The following ADGRL3 variants were observed in gnomAD, a reference collection of about 807,000 sequenced individuals.
ADGRL3 encodes the protein calcium-independent alpha-latrotoxin receptor 3.
ADGRL3 carries 62 observed loss-of-function variants against 153.5 expected under a neutral mutation model. The ratio of observed to expected loss-of-function variants is 0.40; its 90% CI spans 0.33 to 0.50. The LOEUF (loss-of-function observed/expected upper bound fraction) is 0.50. ADGRL3 is among the 20% of genes least tolerant of loss of function. The pLI is 0.47. For missense variants in ADGRL3, 1,641 were observed against 1,859.4 expected, an observed-to-expected ratio of 0.88 and a Z score of 2.16; for synonymous variants, 710 against 672.5, an observed-to-expected ratio of 1.06 and a Z score of -0.86.
At chr4:61,451,517 T>A (rs1306840860) in intron 2 of ADGRL3, among the ~76,000 whole-genome samples, 1 of 152,266 alleles carries the variant, frequency 6.6e-6, no homozygotes, top group East Asian at 1.9e-4. Flanking sequence ...ATAAATAGTT[T>A]ACTTATTAAT....
chr4:61,226,721 A>G (rs902241110), intron 1 of ADGRL3, among the ~76,000 whole-genome samples: 1 of 152,150 alleles, frequency 6.6e-6, no homozygotes, highest in Non-Finnish European at 1.5e-5. Context: ...AGAATACCTG[A>G]AGGGTAGCTC....
At chr4:61,628,702 T>A (rs2092978461) in intron 5 of ADGRL3, among the ~76,000 whole-genome samples, 1 of 152,138 alleles carries the variant, frequency 6.6e-6, no homozygotes, top group Non-Finnish European at 1.5e-5. Flanking sequence ...TTCATTCTTG[T>A]TCAGGTTTTG....
At chr4:62,001,927 A>C (rs540809203) in intron 21 of ADGRL3, among the ~76,000 whole-genome samples, 71 of 152,238 alleles carry the variant, frequency 4.7e-4, no homozygotes, top group African/African-American at 1.6e-3. Flanking sequence ...TCTTTCTAAA[A>C]CAAGTCATTC....
chr4:61,240,442 C>T (rs1754473812), intron 1 of ADGRL3, among the ~76,000 whole-genome samples: 1 of 152,044 alleles, frequency 6.6e-6, no homozygotes, highest in Non-Finnish European at 1.5e-5. Flanking sequence ...TCATTGTCTG[C>T]CCATCTCTAA....
intron 13 of ADGRL3, among the ~76,000 whole-genome samples, chr4:61,919,331 G>C (rs912836175): frequency 6.6e-6 from 1 of 152,140 alleles, no homozygotes; most frequent in Non-Finnish European, 1.5e-5. Context: ...GGTTCTTGTG[G>C]TTTGGTAACC....
At position 61,682,588 on chromosome 4, in the gene ADGRL3, C is replaced by T. The variant is rs561748904; in HGVS notation, c.583+5653C>T. Among the ~76,000 whole-genome samples, 3 of 132,554 alleles carry T rather than the reference C, an allele frequency of 2.3e-5. No individual in the cohort carries two copies. In the East Asian group the frequency reaches 6.3e-4, roughly 28 times the overall value. The allele number at this position is 132,554 out of a possible 152,430, so 87.0% of individuals were successfully genotyped here. Reference sequence around the variant, plus strand: ...ATTTTTTTTTTTTTTTTTTGTAGACCTAGGGTCTCACTATGTTTCCCAGGC... The same window carrying T: ...ATTTTTTTTTTTTTTTTTTGTAGACTTAGGGTCTCACTATGTTTCCCAGGC... On this transcript the variant is annotated intron_variant, in intron 6 of 26. Coordinates refer to ENST00000683033, the MANE Select transcript of ADGRL3 (RefSeq NM_001387552.1).
At chr4:61,375,977 A>G (rs2151822983) in intron 1 of ADGRL3, among the ~76,000 whole-genome samples, 1 of 152,290 alleles carries the variant, frequency 6.6e-6, no homozygotes, top group South Asian at 2.1e-4. Context: ...ATTTATTAAT[A>G]AAGTATACTG....
rs1282067602 is a variant in ADGRL3 at position 61,202,502 on chromosome 4, G to A, written c.-240+737G>A. 6.6e-6 allele frequency among the ~76,000 whole-genome samples: 1 copy of A among 152,144 alleles called. No homozygotes were observed. The highest frequency in any genetic ancestry group is 1.5e-5 in the Non-Finnish European group (1 of 68,026). On this transcript the variant is annotated intron_variant, in intron 1 of 26. Transcript: ENST00000683033. This position sits in a 1 kb window ranked among gnomAD's most constrained non-coding sequence, Gnocchi z 5.0. Reference sequence around the variant, plus strand: ...CCGGGCTGCGCTGTGCTGGTAGTGGGCACTGGGCGGGGGGCGGCGGTGTTG... The same window carrying A: ...CCGGGCTGCGCTGTGCTGGTAGTGGACACTGGGCGGGGGGCGGCGGTGTTG...
rs566795561 is a variant in ADGRL3 at position 61,216,719 on chromosome 4, A to G, written c.-240+14954A>G. Among the ~76,000 whole-genome samples, 4 of 152,332 alleles carry G rather than the reference A, an allele frequency of 2.6e-5. No homozygotes were observed. In the East Asian group the frequency reaches 7.7e-4, roughly 29 times the overall value. On this transcript the variant is annotated intron_variant, in intron 1 of 26. Coordinates refer to ENST00000683033, the MANE Select transcript of ADGRL3 (RefSeq NM_001387552.1). ...AAATCAAAGAGGAAAAGTAGAGGGC[A>G]AAGGAGTCGTAAAAGCATGATTTCA... is the stretch of plus-strand genomic sequence containing the variant.
At chr4:61,368,636 G>A (rs536054292) in intron 1 of ADGRL3, among the ~76,000 whole-genome samples, 8 of 152,152 alleles carry the variant, frequency 5.3e-5, no homozygotes, top group African/African-American at 7.2e-5. Context: ...CTGTAGCCTT[G>A]TAGTATAGTT....
At chr4:61,325,740 AAAAT>A (rs2095451164) in intron 1 of ADGRL3, among the ~76,000 whole-genome samples, 1 of 152,180 alleles carries the variant, frequency 6.6e-6, no homozygotes, top group Non-Finnish European at 1.5e-5. Context: ...CAGAAGATAT[AAAAT>A]AAATTAGTAG....
intron 2 of ADGRL3, among the ~76,000 whole-genome samples, chr4:61,408,325 T>A (rs1413164716): frequency 6.6e-6 from 1 of 152,084 alleles, no homozygotes; most frequent in Non-Finnish European, 1.5e-5. Context: ...CCTCTCTTGC[T>A]GAGCCCCTGT....
intron 21 of ADGRL3, among the ~76,000 whole-genome samples, chr4:62,020,120 G>A (rs1449467118): frequency 2.0e-5 from 3 of 152,022 alleles, no homozygotes; most frequent in African/African-American, 7.2e-5. Context: ...ATAATCTGTT[G>A]TTTATTCAAT....
intron 2 of ADGRL3, among the ~76,000 whole-genome samples, chr4:61,386,854 T>C (rs1422825141): frequency 6.6e-6 from 1 of 152,214 alleles, no homozygotes; most frequent in African/African-American, 2.4e-5. Flanking sequence ...AATTTATATT[T>C]GCTAGATTGT....
chr4:61,876,793 G>A (rs1373991421), intron 9 of ADGRL3, among the ~76,000 whole-genome samples: 1 of 151,082 alleles, frequency 6.6e-6, no homozygotes, highest in Non-Finnish European at 1.5e-5. Flanking sequence ...CCCTTGTTTA[G>A]CATATCATCA....
intron 1 of ADGRL3, among the ~76,000 whole-genome samples, chr4:61,269,534 G>A (rs1292739454): frequency 6.6e-6 from 1 of 151,490 alleles, no homozygotes; most frequent in Non-Finnish European, 1.5e-5. Flanking sequence ...TAAATTTAAT[G>A]GAACTGATTT....
chr4:61,702,518 A>C (rs1302680600), intron 6 of ADGRL3, among the ~76,000 whole-genome samples: 1 of 152,116 alleles, frequency 6.6e-6, no homozygotes, highest in East Asian at 1.9e-4. Flanking sequence ...CATTTAACTC[A>C]TTCTTTAAAA....
intron 8 of ADGRL3, among the ~76,000 whole-genome samples, chr4:61,758,313 C>G (rs981478571): frequency 1.3e-5 from 2 of 152,138 alleles, no homozygotes; most frequent in African/African-American, 4.8e-5. Flanking sequence ...GCCTGGGAGT[C>G]TACGTCTCTT....
chr4:61,819,239 T>G (rs1201345351), intron 9 of ADGRL3, among the ~76,000 whole-genome samples: 1 of 152,096 alleles, frequency 6.6e-6, no homozygotes, highest in African/African-American at 2.4e-5. Context: ...ATGTTATGGG[T>G]TTTTATTTGA....
Sources: gnomAD v4.1 joint callset for allele counts (sites outside exome capture counted in the v4.1 genomes callset) on GRCh38, gnomAD v4.1.1 for gene constraint, Gnocchi (gnomAD v3.1) non-coding constraint, MANE v1.5 for transcripts, NCBI Gene and HGNC (gene_info 2026-07-23, HGNC 2026-07-21) for gene names.